Variants in MLPH observed in about 807,000 individuals in gnomAD.
The protein encoded by MLPH is melanophilin.
MLPH carries 51 observed loss-of-function variants against 72.1 expected under a neutral mutation model. The ratio of observed to expected loss-of-function variants is 0.71; its 90% CI spans 0.56 to 0.89. The LOEUF (loss-of-function observed/expected upper bound fraction) is 0.89, where lower values mean the gene tolerates loss of function less well. Among genes scored for constraint, MLPH ranks in the 40% least tolerant of loss-of-function variants. MLPH has a pLI of 0.00. For synonymous variants in MLPH, 301 were observed against 310.1 expected (o/e 0.97, Z 0.31); for missense variants, 743 against 759.9 (o/e 0.98, Z 0.26).
rs1277774954 is a variant in MLPH at position 237,490,805 on chromosome 2, C to T, written c.-24-2598C>T. Among the ~76,000 whole-genome samples, 11 of 152,216 alleles carry T rather than the reference C, an allele frequency of 7.2e-5. No homozygotes were observed. The South Asian group carries it at 2.1e-3, about 29-fold the overall frequency. ...TCTGTGAGAGCATCAAAAATGAGTTCGGTAGTAAGTCCATTTCTTGACCAG... is the reference window on the plus strand; with the variant it reads ...TCTGTGAGAGCATCAAAAATGAGTTTGGTAGTAAGTCCATTTCTTGACCAG... On this transcript the variant is annotated intron_variant, in intron 1 of 15. Coordinates refer to ENST00000264605, the MANE Select transcript of MLPH (RefSeq NM_024101.7).
At chr2:237,521,929 C>T (rs113573700) in intron 6 of MLPH, among the ~76,000 whole-genome samples, 2,434 of 69,668 alleles carry the variant, frequency 0.035, 19 homozygotes, top group African/African-American at 0.053. Flanking sequence ...AGTGCTGGAG[C>T]GGAGCAGGGC....
At position 237,553,784 on chromosome 2, in the gene MLPH, T is replaced by C; in HGVS notation, c.*192T>C. ...TTCAGTCCTGCACTGCTCACCTGGG[T>C]TTACTGATGACTCCTGGCTGCCCCA... On this transcript the variant is annotated 3_prime_UTR_variant, in exon 16 of 16. Transcript: ENST00000264605. The C allele has an allele frequency of 1.2e-6, 1 of 808,562 alleles. No individual in the cohort carries two copies. The highest frequency in any genetic ancestry group is 1.4e-5 in the South Asian group (1 of 72,486). 50.1% of individuals were successfully genotyped at this position (808,562 alleles called of 1,614,324 possible). A position where few individuals can be genotyped will look rare whatever the true frequency, so the allele number is the denominator to read the frequency against.
At chr2:237,517,731 GGATGGA>G (rs2080077825) in intron 4 of MLPH, among the ~76,000 whole-genome samples, 1 of 53,294 alleles carries the variant, frequency 1.9e-5, no homozygotes, top group African/African-American at 3.7e-4. Context: ...GTAAGTGGGT[GGATGGA>G]TGGATGGATG....
chr2:237,539,295 G>A (rs2080614391), intron 9 of MLPH, among the ~76,000 whole-genome samples: 1 of 152,228 alleles, frequency 6.6e-6, no homozygotes, highest in South Asian at 2.1e-4. Context: ...CGAAGGTGGT[G>A]CAAGGCAGAC....
Position 237,510,925 on chromosome 2 carries a change from GAGATTTATGCAGGCC to G in MLPH, c.333-63_333-49del, listed in dbSNP as rs762623065. ...CGTGTGTGTGTGTGTGTGTGTGTGT[GAGATTTATGCAGGCC>G]TGTGTACAGCACTCAGGCAGTGCCA... is the stretch of plus-strand genomic sequence containing the variant. On this transcript the variant is annotated intron_variant, in intron 3 of 15. Coordinates refer to ENST00000264605, the MANE Select transcript of MLPH (RefSeq NM_024101.7). This position sits in a 1 kb window ranked among gnomAD's most constrained non-coding sequence, Gnocchi z 4.4. 7 of 1,518,704 alleles carry G rather than the reference GAGATTTATGCAGGCC, an allele frequency of 4.6e-6. No homozygotes were observed. The highest frequency in any genetic ancestry group is 2.3e-5 in the South Asian group (2 of 88,706). The allele number at this position is 1,518,704 out of a possible 1,614,324, so 94.1% of individuals were successfully genotyped here.
rs145086766 is a variant in MLPH, at chr2:237,515,103, A to G, written c.446-3436A>G. Among the ~76,000 whole-genome samples, 358 of 152,308 alleles carry G rather than the reference A, an allele frequency of 2.4e-3. 2 individuals carry two copies. Among genetic ancestry groups the G allele is most frequent in the African/African-American group, 8.0e-3 (333 of 41,570 alleles). On this transcript the variant is annotated intron_variant, in intron 4 of 15. Coordinates refer to ENST00000264605, the MANE Select transcript of MLPH (RefSeq NM_024101.7). ...TGAGACTTAATTTTCCAACCCATGT[A>G]AAAGATCACTGCTGGCTCAGGACAG...
In MLPH at chr2:237,541,548, A is replaced by G. The variant is rs1004346364; in HGVS notation, c.1446+591A>G. Among the ~76,000 whole-genome samples the G allele has an allele frequency of 1.3e-5, 2 of 152,108 alleles. No individual in the cohort carries two copies. Among genetic ancestry groups the G allele is most frequent in the African/African-American group, 4.8e-5 (2 of 41,420 alleles). ...ACGGCCCTCCTCCACTTCCCTTCTC[A>G]TCAGCAGGTGCCTGTCACTCCCTAA... On this transcript the variant is annotated intron_variant, in intron 11 of 15. Coordinates refer to ENST00000264605, the MANE Select transcript of MLPH (RefSeq NM_024101.7). The surrounding 1 kb of genome is among the most constrained non-coding windows in gnomAD (Gnocchi z 5.1).
intron 8 of MLPH, among the ~76,000 whole-genome samples, chr2:237,530,963 A>G (rs1272584076): frequency 6.6e-6 from 1 of 152,218 alleles, no homozygotes; most frequent in Non-Finnish European, 1.5e-5. Context: ...AACACACACA[A>G]GTCGAGCAGA....
rs1255498490 is a variant in MLPH at position 237,511,060 on chromosome 2, C to T, written c.404C>T (p.Ala135Val). 6.2e-7 allele frequency: 1 copy of T among 1,613,810 alleles called. No homozygotes were observed. Among genetic ancestry groups the T allele is most frequent in the Non-Finnish European group, 8.5e-7 (1 of 1,179,988 alleles). ...GCCCGCTTCAAGAGGTTCGGAAGTGCCAAGGTCATCCGGTCCCTCCACGGG... is the reference window on the plus strand; with the variant it reads ...GCCCGCTTCAAGAGGTTCGGAAGTGTCAAGGTCATCCGGTCCCTCCACGGG... ...VKARFKRFGS[A>V]KVIRSLHGRL... is the part of the protein sequence containing the mutation. The change falls in exon 4 of 16, where the codon GCC (alanine) becomes GTC (valine). Residue 135 changes from alanine to valine, a missense_variant. Ala to Val is a moderately conservative substitution (Grantham distance 64, BLOSUM62 0). Transcript: ENST00000264605.
chr2:237,505,779 G>T lies in MLPH; in HGVS notation c.111-4795G>T, dbSNP rs541910628. The stretch of plus-strand genomic sequence containing the variant: ...ATACGCCCTTTCTTCAGAGGCTGCC[G>T]GGCCTCCCTTGAGGACAGGAGTGCC... On this transcript the variant is annotated intron_variant, in intron 2 of 15. Transcript: ENST00000264605. This position sits in a 1 kb window ranked among gnomAD's most constrained non-coding sequence, Gnocchi z 4.5. Among the ~76,000 whole-genome samples the T allele has an allele frequency of 6.6e-6, 1 of 152,154 alleles. No individual in the cohort carries two copies. The highest frequency in any genetic ancestry group is 1.5e-5 in the Non-Finnish European group (1 of 68,024).
rs143858657 is a variant in MLPH at position 237,520,547 on chromosome 2, T to A, written c.675+518T>A. Reference sequence around the variant, plus strand: ...AGGGGCCATCCAGGTGAACAGGACATGTGGCCGCCTTACTCATTAGCTGTG... The same window carrying A: ...AGGGGCCATCCAGGTGAACAGGACAAGTGGCCGCCTTACTCATTAGCTGTG... On this transcript the variant is annotated intron_variant, in intron 6 of 15. Coordinates refer to ENST00000264605, the MANE Select transcript of MLPH (RefSeq NM_024101.7). Among the ~76,000 whole-genome samples, 514 of 152,338 alleles carry A rather than the reference T, an allele frequency of 3.4e-3. 7 individuals are homozygous for A. Among genetic ancestry groups the A allele is most frequent in the African/African-American group, 0.012 (492 of 41,574 alleles).
intron 6 of MLPH, among the ~76,000 whole-genome samples, chr2:237,524,336 A>G (rs2080256408): frequency 7.8e-6 from 1 of 128,328 alleles, no homozygotes; most frequent in Non-Finnish European, 1.5e-5. Flanking sequence ...GGAGTTTATT[A>G]AGTATTAACT....
intron 8 of MLPH, among the ~76,000 whole-genome samples, chr2:237,528,680 G>A (rs185444145): frequency 6.7e-6 from 1 of 149,170 alleles, no homozygotes; most frequent in Non-Finnish European, 1.5e-5. Context: ...ACAGTGTTGT[G>A]TAACCACCAC....
In MLPH at chr2:237,523,225, G is replaced by A. The variant is rs151336536; in HGVS notation, c.676-2376G>A. On this transcript the variant is annotated intron_variant, in intron 6 of 15. Coordinates refer to ENST00000264605, the MANE Select transcript of MLPH (RefSeq NM_024101.7). ...TTCTTGGTCTGTGTATATAAACATC[G>A]TTGTAGGGATGACTGTAATGATGAA... 5.8e-3 allele frequency among the ~76,000 whole-genome samples: 889 copies of A among 152,240 alleles called. 13 individuals are homozygous for A. The highest frequency in any genetic ancestry group is 0.021 in the African/African-American group (856 of 41,526).
At position 237,512,682 on chromosome 2, in the gene MLPH, G is replaced by T. The variant is rs989359145; in HGVS notation, c.445+1581G>T. ...GGTCCTCCTGCAGCCAGTGGAGCTT[G>T]GTCCAGCCTCCAGTCCACCCCTAAC... is the stretch of plus-strand genomic sequence containing the variant. On this transcript the variant is annotated intron_variant, in intron 4 of 15. Transcript: ENST00000264605. This position sits in a 1 kb window ranked among gnomAD's most constrained non-coding sequence, Gnocchi z 5.5. Among the ~76,000 whole-genome samples, 1 of 152,096 alleles carries T rather than the reference G, an allele frequency of 6.6e-6. No individual in the cohort carries two copies. The highest frequency in any genetic ancestry group is 2.4e-5 in the African/African-American group (1 of 41,408).
chr2:237,515,698 G>C (rs1024487032), intron 4 of MLPH, among the ~76,000 whole-genome samples: 5 of 152,146 alleles, frequency 3.3e-5, no homozygotes, highest in Admixed American at 3.3e-4. Flanking sequence ...CAGAGGCTGG[G>C]ATTAATAGAA....
chr2:237,527,507 TGA>T lies in MLPH; in HGVS notation c.1015_1016del (p.Gln340AspfsTer3), dbSNP rs2080330394. The T allele has an allele frequency of 1.2e-6, 2 of 1,614,020 alleles. No individual in the cohort carries two copies. The highest frequency in any genetic ancestry group is 3.3e-5 in the Admixed American group (2 of 59,998). ...CCAAGCGGAGAGGCCGGGCGTCTTC[TGA>T]GAGTCAGGTAACGGTGGCTGGAAAG... ...HSKRRGRASS[E>X]SQIFELNKHI... On this transcript the variant is annotated frameshift_variant, in exon 8 of 16. Coordinates refer to ENST00000264605, the MANE Select transcript of MLPH (RefSeq NM_024101.7). LOFTEE classifies it high-confidence loss of function.
intron 2 of MLPH, among the ~76,000 whole-genome samples, chr2:237,499,711 A>G (rs2079606807): frequency 6.6e-6 from 1 of 152,206 alleles, no homozygotes; most frequent in African/African-American, 2.4e-5. Context: ...AGAAAAAGCA[A>G]GTTGTGAAAA....
chr2:237,501,222 C>T (rs967637965), intron 2 of MLPH, among the ~76,000 whole-genome samples: 1 of 152,156 alleles, frequency 6.6e-6, no homozygotes, highest in Non-Finnish European at 1.5e-5. Context: ...CAGCACAGTA[C>T]TGACCATGGA....
Sources: allele counts gnomAD v4.1 joint callset (sites outside exome capture counted in the v4.1 genomes callset), GRCh38; gene constraint gnomAD v4.1.1; non-coding constraint Gnocchi (gnomAD v3.1); transcripts MANE v1.5; gene names NCBI Gene and HGNC (gene_info 2026-07-23, HGNC 2026-07-21).